The following SLC27A1 variants were observed in gnomAD, a reference collection of about 807,000 sequenced individuals.
SLC27A1 encodes the protein solute carrier family 27 member 1.
Under a neutral mutation model 62.2 loss-of-function variants are expected in SLC27A1, and 61 were observed. That is an observed-to-expected ratio of 0.98 (90% CI 0.80 to 1.21). SLC27A1 has a LOEUF of 1.21. SLC27A1 is among the 50% of genes most tolerant of loss of function. The pLI is 0.00. For synonymous variants in SLC27A1, 435 were observed against 408.6 expected, an observed-to-expected ratio of 1.06 and a Z score of -0.78; for missense variants, 903 against 932.1, an observed-to-expected ratio of 0.97 and a Z score of 0.41.
chr19:17,504,627 T>G lies in SLC27A1; in HGVS notation c.*15T>G, dbSNP rs369947741. On this transcript the variant is annotated 3_prime_UTR_variant, in exon 12 of 12. Coordinates refer to ENST00000252595, the MANE Select transcript of SLC27A1 (RefSeq NM_198580.3). ...TCGCCCTCTGAAGCTGTTCCTCTAC[T>G]GGCCACAAACTCTGGGCCTGGTGGG... 4.3e-6 allele frequency: 7 copies of G among 1,613,728 alleles called. No individual in the cohort carries two copies. In the Admixed American group the frequency reaches 1.2e-4, roughly 27 times the overall value.
Position 17,487,185 on chromosome 19 carries a change from G to A in SLC27A1, c.574G>A (p.Val192Met), listed in dbSNP as rs141417022. The A allele has an allele frequency of 1.9e-6, 3 of 1,614,128 alleles. No homozygotes were observed. Among genetic ancestry groups the A allele is most frequent in the Non-Finnish European group, 2.5e-6 (3 of 1,180,008 alleles). Residue 192 changes from valine (V) to methionine (M), a missense_variant, in exon 3 of 12, where the codon GTG becomes ATG. Val to Met is a conservative substitution (Grantham distance 21). Transcript: ENST00000252595. Reference sequence around the variant, plus strand: ...GTTGGGGACCACAGCGGTGGCCGAAGTGAGCGGGCATCTGGGGAAAAGTTT... The same window carrying A: ...GTTGGGGACCACAGCGGTGGCCGAAATGAGCGGGCATCTGGGGAAAAGTTT... Reference protein sequence around the residue: ...GGEMVAAVAEVSGHLGKSLIK... With the variant: ...GGEMVAAVAEMSGHLGKSLIK...
rs2075264416 is a variant in SLC27A1 at position 17,488,834 on chromosome 19, C to T, written c.795-14C>T. The T allele has an allele frequency of 1.2e-6, 2 of 1,611,812 alleles. No homozygotes were observed. The highest frequency in any genetic ancestry group is 8.5e-7 in the Non-Finnish European group (1 of 1,179,104). ...TCCCAGCCTCTGCCCTCCCGGCTCCCCCTCCCCCTGCAGGTACTACCGCAT... is the reference window on the plus strand; with the variant it reads ...TCCCAGCCTCTGCCCTCCCGGCTCCTCCTCCCCCTGCAGGTACTACCGCAT... On this transcript the variant is annotated splice_polypyrimidine_tract_variant and intron_variant, in intron 4 of 11. Transcript: ENST00000252595.
intron 11 of SLC27A1, among the ~76,000 whole-genome samples, chr19:17,501,941 G>C (rs1682992005): frequency 6.6e-6 from 1 of 151,562 alleles, no homozygotes; most frequent in Non-Finnish European, 1.5e-5. Flanking sequence ...GTGAAACTGT[G>C]TCTCTACTAA....
intron 1 of SLC27A1, among the ~76,000 whole-genome samples, chr19:17,479,039 G>C (rs554668640): frequency 4.6e-5 from 7 of 152,086 alleles, no homozygotes; most frequent in Non-Finnish European, 8.8e-5. Context: ...TGAGGCCGTA[G>C]TGAGTTATAA....
chr19:17,479,818 A>G (rs1568411796), intron 1 of SLC27A1, among the ~76,000 whole-genome samples: 1 of 152,006 alleles, frequency 6.6e-6, no homozygotes, highest in Non-Finnish European at 1.5e-5. Context: ...TAATTTTTGT[A>G]TCTTTAGTAG....
At position 17,470,632 on chromosome 19, in the gene SLC27A1, C is replaced by T. The variant is rs1489370647; in HGVS notation, c.92C>T (p.Ala31Val). Residue 31 changes from alanine (A) to valine (V), a missense_variant, in exon 1 of 12, where the codon GCG becomes GTG. Coordinates refer to ENST00000252595, the MANE Select transcript of SLC27A1 (RefSeq NM_198580.3). The stretch of plus-strand genomic sequence containing the variant: ...CCGTGGACCTGGAGCGCGGCAGCGG[C>T]GCTCGGCGTGTACGTGGGCAGCGGC... ...GLPWTWSAAA[A>V]LGVYVGSGGW... 1.3e-6 allele frequency: 2 copies of T among 1,575,400 alleles called. No homozygotes were observed. The highest frequency in any genetic ancestry group is 4.6e-5 in the East Asian group (2 of 43,298).
chr19:17,486,438 G>A lies in SLC27A1; in HGVS notation c.168-125G>A, dbSNP rs1456297123. 8.4e-7 allele frequency: 1 copy of A among 1,185,902 alleles called. No individual in the cohort carries two copies. Among genetic ancestry groups the A allele is most frequent in the African/African-American group, 1.6e-5 (1 of 64,100 alleles). 73.5% of individuals were successfully genotyped at this position (1,185,902 alleles called of 1,614,324 possible). On this transcript the variant is annotated intron_variant, in intron 1 of 11. Transcript: ENST00000252595. The surrounding 1 kb of genome is among the most constrained non-coding windows in gnomAD (Gnocchi z 6.6). The stretch of plus-strand genomic sequence containing the variant: ...CCACTGAGAGATCCAGCCACCAAAA[G>A]TTTCACCATAGACCTCATCAAAGCC...
intron 6 of SLC27A1, among the ~76,000 whole-genome samples, chr19:17,494,403 C>T (rs1255803041): frequency 6.6e-6 from 1 of 151,780 alleles, no homozygotes; most frequent in Non-Finnish European, 1.5e-5. Context: ...TCTCAGTTCA[C>T]TGCAACCTCC....
At position 17,500,894 on chromosome 19, in the gene SLC27A1, G is replaced by A. The variant is rs777590554; in HGVS notation, c.1636+18G>A. ...TGTTCCAGGCAAGCTGGGGTTGCAG[G>A]GGGTGGTCCTGAGGCATGGTCCTGA... On this transcript the variant is annotated intron_variant, in intron 10 of 11. Transcript: ENST00000252595. The A allele has an allele frequency of 6.3e-7, 1 of 1,596,976 alleles. No homozygotes were observed. The highest frequency in any genetic ancestry group is 8.5e-7 in the Non-Finnish European group (1 of 1,174,110).
In SLC27A1 at chr19:17,500,745, T is replaced by G; in HGVS notation, c.1505T>G (p.Met502Arg). 1 of 1,614,024 alleles carries G rather than the reference T, an allele frequency of 6.2e-7. No individual in the cohort carries two copies. The highest frequency in any genetic ancestry group is 8.5e-7 in the Non-Finnish European group (1 of 1,179,986). Reference protein sequence around the residue: ...DVLVMDELGYMYFRDRSGDTF... With the variant: ...DVLVMDELGYRYFRDRSGDTF... ...CTAGTGATGGATGAGCTGGGCTACA[T>G]GTACTTCCGGGACCGTAGCGGGGAC... Residue 502 changes from methionine (M) to arginine (R), a missense_variant, in exon 10 of 12, where the codon ATG (methionine) becomes AGG (arginine). By Grantham distance (91) the Met-to-Arg change is moderately conservative. Transcript: ENST00000252595.
chr19:17,481,275 G>A (rs1409925897), intron 1 of SLC27A1, among the ~76,000 whole-genome samples: 1 of 150,674 alleles, frequency 6.6e-6, no homozygotes, highest in African/African-American at 2.4e-5. Context: ...ATGGCCTCCA[G>A]CTGCATCCAC....
chr19:17,497,519 C>A, intron 7 of SLC27A1, 55 bp downstream of exon 7: 1 of 1,479,348 alleles, frequency 6.8e-7, no homozygotes, highest in Non-Finnish European at 9.2e-7. Flanking sequence ...AGACCACTGT[C>A]TCCTCTTCCT....
At chr19:17,471,666 G>T (rs1048090679) in intron 1 of SLC27A1, among the ~76,000 whole-genome samples, 1 of 152,082 alleles carries the variant, frequency 6.6e-6, no homozygotes, top group African/African-American at 2.4e-5. Flanking sequence ...GTAGCAAGAG[G>T]GACTGAACCC....
intron 1 of SLC27A1, among the ~76,000 whole-genome samples, chr19:17,481,114 A>C (rs2075173658): frequency 6.6e-6 from 1 of 151,616 alleles, no homozygotes; most frequent in African/African-American, 2.4e-5. Flanking sequence ...TAGTTGAGAC[A>C]GGGTTTCTCC....
At position 17,470,545 on chromosome 19, in the gene SLC27A1, G is replaced by A. The variant is rs1343145967; in HGVS notation, c.5G>A (p.Arg2Gln). Residue 2 changes from arginine to glutamine, a missense_variant, in exon 1 of 12, where the codon CGG (arginine) becomes CAG (glutamine). Arg to Gln is a conservative substitution (Grantham distance 43). Transcript: ENST00000252595. ...AGCTCTCTCTGCTTCCCCAGGATGC[G>A]GGCTCCGGGTGCGGGCGCGGCCTCG... M[R>Q]APGAGAASVV... 1.3e-6 allele frequency: 2 copies of A among 1,555,266 alleles called. No homozygotes were observed. The highest frequency in any genetic ancestry group is 2.2e-4 in the Middle Eastern group (1 of 4,452).
intron 1 of SLC27A1, among the ~76,000 whole-genome samples, chr19:17,475,381 C>CA (rs1272315074): frequency 6.6e-6 from 1 of 151,990 alleles, no homozygotes; most frequent in Non-Finnish European, 1.5e-5. Flanking sequence ...TCTCTACACG[C>CA]AAAAAATTAG....
chr19:17,489,156 C>T lies in SLC27A1; in HGVS notation c.996+39C>T, dbSNP rs2075269582. ...CTGTTCTGTCTAGACCCCGCCCCTC[C>T]CAGCCAGGCCTCACCCCCTCCCAAT... is the stretch of plus-strand genomic sequence containing the variant. On this transcript the variant is annotated intron_variant, in intron 6 of 11. Transcript: ENST00000252595. 4 of 1,552,442 alleles carry T rather than the reference C, an allele frequency of 2.6e-6. No homozygotes were observed. The South Asian group carries it at 3.4e-5, about 13-fold the overall frequency.
At chr19:17,492,011 CTT>C (rs1279164998) in intron 6 of SLC27A1, among the ~76,000 whole-genome samples, 3 of 152,194 alleles carry the variant, frequency 2.0e-5, no homozygotes, top group Admixed American at 6.5e-5. Flanking sequence ...AGGTTTGACT[CTT>C]AACATTTGGG....
chr19:17,470,131 C>T (rs913621890), upstream of SLC27A1, among the ~76,000 whole-genome samples: 1 of 151,744 alleles, frequency 6.6e-6, no homozygotes, highest in African/African-American at 2.4e-5. Flanking sequence ...AGGCATGTGG[C>T]GAGGCCTGAC....
Sources: allele counts gnomAD v4.1 joint callset (sites outside exome capture counted in the v4.1 genomes callset), GRCh38; gene constraint gnomAD v4.1.1; non-coding constraint Gnocchi (gnomAD v3.1); transcripts MANE v1.5; gene names NCBI Gene and HGNC (gene_info 2026-07-23, HGNC 2026-07-21).